The following UNC13C variants were observed in gnomAD, a reference collection of about 807,000 sequenced individuals.
UNC13C encodes unc-13 homolog C, also known as protein unc-13 homolog C.
A neutral mutation model predicts 245.4 loss-of-function variants in UNC13C; 174 were observed. The ratio of observed to expected loss-of-function variants is 0.71; its 90% confidence interval spans 0.63 to 0.80. The LOEUF (loss-of-function observed/expected upper bound fraction) is 0.80, where lower values mean the gene tolerates loss of function less well. UNC13C is among the 30% of genes least tolerant of loss of function. The pLI, the probability that UNC13C is intolerant of heterozygous loss-of-function variation, is 0.00. For missense variants in UNC13C, 2,829 were observed against 2,602.9 expected, an observed-to-expected ratio of 1.09 and a Z score of -1.89; for synonymous variants, 992 against 895.1, an observed-to-expected ratio of 1.11 and a Z score of -1.93.
chr15:54,436,445 T>A (rs1298611404), intron 19 of UNC13C, among the ~76,000 whole-genome samples: 1 of 151,576 alleles, frequency 6.6e-6, no homozygotes, highest in Non-Finnish European at 1.5e-5. Flanking sequence ...ATAAAGAAAA[T>A]GTGGCACACA....
chr15:54,132,074 C>CTTTTTTTTTCTTTTTT (rs6145565), intron 2 of UNC13C, among the ~76,000 whole-genome samples: 1 of 110,646 alleles, frequency 9.0e-6, no homozygotes, highest in Non-Finnish European at 2.0e-5. Flanking sequence ...TTTTCTTTTT[C>CTTTTTTTTTCTTTTTT]TTTTTTTTTT....
intron 29 of UNC13C, among the ~76,000 whole-genome samples, chr15:54,563,798 A>G (rs1036437518): frequency 4.6e-5 from 7 of 151,886 alleles, no homozygotes; most frequent in Non-Finnish European, 8.8e-5. Flanking sequence ...TATCCTTCAA[A>G]CCCAAGCCTC....
chr15:53,880,609 C>T, the UNC13C span, among the ~76,000 whole-genome samples: 1 of 152,090 alleles, frequency 6.6e-6, no homozygotes, highest in Non-Finnish European at 1.5e-5. Context: ...TAAGGATAAC[C>T]CAGTCTGCTC....
chr15:54,108,322 G>T (rs752790077), intron 2 of UNC13C, among the ~76,000 whole-genome samples: 4 of 152,072 alleles, frequency 2.6e-5, no homozygotes, highest in Non-Finnish European at 4.4e-5. Flanking sequence ...CAGTAGCTGG[G>T]ACTACAGGCG....
intron 4 of UNC13C, among the ~76,000 whole-genome samples, chr15:54,231,081 A>T (rs564368063): frequency 1.3e-4 from 20 of 152,036 alleles, no homozygotes; most frequent in Non-Finnish European, 2.4e-4. Context: ...ACACTTGAAT[A>T]CTTGGGCAGG....
intron 20 of UNC13C, among the ~76,000 whole-genome samples, chr15:54,497,610 G>A (rs187023389): frequency 3.3e-5 from 5 of 152,232 alleles, no homozygotes; most frequent in South Asian, 2.1e-4. Flanking sequence ...TGGGAACTAA[G>A]TAGATACTTT....
At chr15:54,286,268 G>A (rs1225366553) in intron 10 of UNC13C, among the ~76,000 whole-genome samples, 4 of 152,130 alleles carry the variant, frequency 2.6e-5, no homozygotes, top group Non-Finnish European at 5.9e-5. Context: ...ATTAAAATAT[G>A]TAGCTAGAAA....
intron 19 of UNC13C, among the ~76,000 whole-genome samples, chr15:54,454,124 G>GATATATAT (rs111937074): frequency 2.3e-5 from 2 of 87,614 alleles, no homozygotes; most frequent in African/African-American, 1.0e-4. Context: ...TTTTTATTGT[G>GATATATAT]ATATATATAT....
the UNC13C span, among the ~76,000 whole-genome samples, chr15:53,844,068 G>T: frequency 6.6e-6 from 1 of 152,122 alleles, no homozygotes; most frequent in Non-Finnish European, 1.5e-5. Context: ...ATAATGGAAG[G>T]TCCCAGCTGA....
At chr15:54,331,284 G>A (rs2038429243) in intron 14 of UNC13C, among the ~76,000 whole-genome samples, 1 of 152,038 alleles carries the variant, frequency 6.6e-6, no homozygotes, top group Admixed American at 6.6e-5. Context: ...AGGTTTGTAT[G>A]TGTGACTTTT....
At chr15:54,011,346 G>T (rs1014251156) in intron 1 of UNC13C, among the ~76,000 whole-genome samples, 4 of 152,122 alleles carry the variant, frequency 2.6e-5, no homozygotes, top group Admixed American at 1.3e-4. Context: ...ATTTAGATTT[G>T]AAAACATCAG....
chr15:53,895,015 A>T, the UNC13C span, among the ~76,000 whole-genome samples: 1 of 152,028 alleles, frequency 6.6e-6, no homozygotes, highest in East Asian at 1.9e-4. Context: ...GTAATTATCT[A>T]GTGATCAGTT....
the UNC13C span, among the ~76,000 whole-genome samples, chr15:53,934,257 G>T: frequency 6.6e-6 from 1 of 152,134 alleles, no homozygotes; most frequent in African/African-American, 2.4e-5. Context: ...TCCAACAATG[G>T]ATATTAACTC....
intron 17 of UNC13C, among the ~76,000 whole-genome samples, chr15:54,387,691 A>G (rs1028106530): frequency 6.6e-6 from 1 of 152,212 alleles, no homozygotes. Context: ...ATCAATTTGT[A>G]TTCAGAAGAA....
At chr15:54,361,698 A>G (rs1050306374) in intron 17 of UNC13C, among the ~76,000 whole-genome samples, 1 of 152,166 alleles carries the variant, frequency 6.6e-6, no homozygotes, top group Non-Finnish European at 1.5e-5. Flanking sequence ...GAGGACTTAC[A>G]GCGAGCACTA....
chr15:53,885,219 C>A, the UNC13C span, among the ~76,000 whole-genome samples: 1 of 152,204 alleles, frequency 6.6e-6, no homozygotes, highest in Admixed American at 6.5e-5. Context: ...TTCTGAACTT[C>A]TCCTGCCTTT....
At chr15:53,858,750 A>G in the UNC13C span, among the ~76,000 whole-genome samples, 1 of 152,152 alleles carries the variant, frequency 6.6e-6, no homozygotes, top group Non-Finnish European at 1.5e-5. Context: ...AAACAAAAAC[A>G]TGTTTATCTG....
At chr15:53,962,467 T>C in the UNC13C span, among the ~76,000 whole-genome samples, 17 of 152,212 alleles carry the variant, frequency 1.1e-4, no homozygotes, top group Admixed American at 8.5e-4. Context: ...TATTTTCATG[T>C]GTGAGTATGT....
chr15:53,923,331 T>A, the UNC13C span, among the ~76,000 whole-genome samples: 1 of 152,246 alleles, frequency 6.6e-6, no homozygotes, highest in Non-Finnish European at 1.5e-5. Flanking sequence ...AGATGCCCAA[T>A]AATTATTTAC....
Sources: gnomAD v4.1 joint callset for allele counts (sites outside exome capture counted in the v4.1 genomes callset) on GRCh38, gnomAD v4.1.1 for gene constraint, MANE v1.5 for transcripts, NCBI Gene and HGNC (gene_info 2026-07-23, HGNC 2026-07-21) for gene names.